Variants in MRPL45 observed in about 807,000 individuals in gnomAD.
MRPL45 encodes the protein mitochondrial ribosomal protein L45, also known as large ribosomal subunit protein mL45.
A neutral mutation model predicts 38.1 loss-of-function variants in MRPL45; 20 were observed. That is an observed-to-expected ratio of 0.53 (90% CI 0.37 to 0.76). The LOEUF (loss-of-function observed/expected upper bound fraction) is 0.76, where lower values mean the gene tolerates loss of function less well. MRPL45 is among the 30% of genes least tolerant of loss of function. MRPL45 has a pLI of 0.00. For synonymous variants in MRPL45, 105 were observed against 128.8 expected (o/e 0.82, Z 1.25); for missense variants, 337 against 395.6 (o/e 0.85, Z 1.26).
Position 38,322,965 on chromosome 17 carries a change from G to C in MRPL45, c.*370G>C, listed in dbSNP as rs551270455. The C allele has an allele frequency of 5.2e-6, 1 of 192,182 alleles. No homozygotes were observed. The highest frequency in any genetic ancestry group is 2.3e-5 in the African/African-American group (1 of 42,834). 11.9% of individuals were successfully genotyped at this position (192,182 alleles called of 1,614,324 possible). A position where few individuals can be genotyped will look rare whatever the true frequency, so the allele number is the denominator to read the frequency against. ...CAGAGTTTGAAATGAAATGTTGTCA[G>C]GGTGTTGGAAAAATTTTGGTGAGTT... On this transcript the variant is annotated 3_prime_UTR_variant, in exon 8 of 8. Coordinates refer to ENST00000613675, the MANE Select transcript of MRPL45 (RefSeq NM_032351.6).
intron 3 of MRPL45, among the ~76,000 whole-genome samples, chr17:38,302,611 G>A (rs1863613386): frequency 6.7e-6 from 1 of 148,422 alleles, no homozygotes; most frequent in Non-Finnish European, 1.5e-5. Context: ...GAGGTTAAAA[G>A]AGTATAAAGG....
In MRPL45 at chr17:38,320,892, C is replaced by G. The variant is rs2037223289; in HGVS notation, c.660+125C>G. The G allele has an allele frequency of 4.4e-6, 4 of 911,526 alleles. No individual in the cohort carries two copies. The Middle Eastern group carries it at 6.9e-4, about 157-fold the overall frequency. The allele number at this position is 911,526 out of a possible 1,614,324, so 56.5% of individuals were successfully genotyped here. On this transcript the variant is annotated intron_variant, in intron 6 of 7. Transcript: ENST00000613675. ...TAATAAAAGGTACACTGTGATCTGT[C>G]TTCCTTGCTGTGCCGCTGTCCCCTT... is the stretch of plus-strand genomic sequence containing the variant.
chr17:38,306,181 G>A (rs1334005675), intron 3 of MRPL45, among the ~76,000 whole-genome samples: 8 of 151,814 alleles, frequency 5.3e-5, no homozygotes, highest in South Asian at 2.1e-4. Flanking sequence ...AGGCCGAGGC[G>A]GGCGGATCCT....
At chr17:38,300,848 A>G (rs923162568) in intron 3 of MRPL45, among the ~76,000 whole-genome samples, 1 of 152,174 alleles carries the variant, frequency 6.6e-6, no homozygotes, top group African/African-American at 2.4e-5. Context: ...CAGGAGGCTG[A>G]GGCAGGAGAA....
At chr17:38,319,972 G>A (rs923643322) in intron 5 of MRPL45, among the ~76,000 whole-genome samples, 7 of 152,128 alleles carry the variant, frequency 4.6e-5, no homozygotes, top group African/African-American at 1.2e-4. Context: ...GCGTGGTGGC[G>A]GGCGCCAGTA....
At chr17:38,321,994 TGCACTCCA>T in intron 6 of MRPL45, 124 bp from the exon 7 acceptor site, 2 of 879,688 alleles carry the variant, frequency 2.3e-6, no homozygotes, top group South Asian at 3.4e-5. Context: ...ATCATGCCAC[TGCACTCCA>T]GCCAGGGCAA....
Position 38,299,417 on chromosome 17 carries a change from G to A in MRPL45, c.311G>A (p.Gly104Glu). 1 of 1,612,860 alleles carries A rather than the reference G, an allele frequency of 6.2e-7. No individual in the cohort carries two copies. The highest frequency in any genetic ancestry group is 8.5e-7 in the Non-Finnish European group (1 of 1,179,856). The change falls in exon 3 of 8, where the codon GGA becomes GAA. Residue 104 changes from glycine (G) to glutamate (E), a missense_variant. By Grantham distance (98) the Gly-to-Glu change is moderately conservative. Coordinates refer to ENST00000613675, the MANE Select transcript of MRPL45 (RefSeq NM_032351.6). ...DARISSLSKE[G>E]LIERTERMKK... ...CGCATATCATCTCTTTCAAAGGAGG[G>A]ACTGATAGAGAGAACTGAACGAATG...
chr17:38,305,207 G>A (rs1003629076), intron 3 of MRPL45, among the ~76,000 whole-genome samples: 5 of 129,318 alleles, frequency 3.9e-5, no homozygotes, highest in Non-Finnish European at 8.5e-5. Flanking sequence ...CATGGCTCAG[G>A]CCTGTAATCC....
chr17:38,302,116 C>CA (rs67699213), intron 3 of MRPL45, among the ~76,000 whole-genome samples: 57,123 of 75,472 alleles, frequency 0.76, 23,025 homozygotes, highest in East Asian at 0.97. Context: ...GACTCCGTCT[C>CA]AAAAAAAAAA....
At chr17:38,301,961 C>CA (rs1212884687) in intron 3 of MRPL45, among the ~76,000 whole-genome samples, 1 of 151,608 alleles carries the variant, frequency 6.6e-6, no homozygotes, top group East Asian at 1.9e-4. Flanking sequence ...ACTAAAAATA[C>CA]AAAAAATTAG....
intron 5 of MRPL45, among the ~76,000 whole-genome samples, chr17:38,319,438 G>T (rs1271225125): frequency 1.3e-5 from 2 of 152,074 alleles, no homozygotes; most frequent in Non-Finnish European, 1.5e-5. Context: ...CAAAGTGCTG[G>T]GATTACAGGC....
chr17:38,311,072 G>T (rs1294284637), intron 4 of MRPL45, among the ~76,000 whole-genome samples: 1 of 151,794 alleles, frequency 6.6e-6, no homozygotes, highest in African/African-American at 2.4e-5. Context: ...TAATTCAGTG[G>T]CATTAAGTAC....
intron 4 of MRPL45, among the ~76,000 whole-genome samples, chr17:38,318,226 AAAAGAT>A (rs1185960584): frequency 1.3e-5 from 2 of 151,208 alleles, no homozygotes; most frequent in Non-Finnish European, 2.9e-5. Flanking sequence ...AAAAAAAAAA[AAAAGAT>A]ATAAGGCCAA....
chr17:38,304,556 T>A (rs965427082), intron 3 of MRPL45, among the ~76,000 whole-genome samples: 6 of 152,210 alleles, frequency 3.9e-5, no homozygotes, highest in East Asian at 1.9e-4. Context: ...ATTTTATTTT[T>A]TTTTTGAGAC....
chr17:38,300,333 AAAG>A (rs2036981034), intron 3 of MRPL45, among the ~76,000 whole-genome samples: 1 of 151,840 alleles, frequency 6.6e-6, no homozygotes, highest in Non-Finnish European at 1.5e-5. Flanking sequence ...CTAATTTTTA[AAAG>A]AAATTTTTGT....
intron 4 of MRPL45, among the ~76,000 whole-genome samples, chr17:38,309,500 C>T (rs867347678): frequency 1.5e-4 from 21 of 143,350 alleles, no homozygotes; most frequent in Middle Eastern, 3.5e-3. Context: ...CAAGCCACGA[C>T]AACAGAGCAA....
At chr17:38,312,470 C>G (rs904107693) in intron 4 of MRPL45, among the ~76,000 whole-genome samples, 11 of 152,202 alleles carry the variant, frequency 7.2e-5, no homozygotes, top group African/African-American at 2.6e-4. Context: ...GCATAATGCT[C>G]CTGTGATTGT....
At chr17:38,318,997 TTTTATTTATTTATTTATTTATTTA>T (rs575783313) in intron 5 of MRPL45, among the ~76,000 whole-genome samples, 2 of 127,452 alleles carry the variant, frequency 1.6e-5, no homozygotes, top group African/African-American at 6.7e-5. Context: ...CCAGCTAATT[TTTTATTTATTTATTTATTTATTTA>T]TTTATTTATT....
At chr17:38,320,989 T>TC (rs957971189) in intron 6 of MRPL45, among the ~76,000 whole-genome samples, 2 of 132,900 alleles carry the variant, frequency 1.5e-5, no homozygotes, top group African/African-American at 5.1e-5. Flanking sequence ...TTTTTTTTTT[T>TC]CCCCCAAGAC....
Sources: allele counts gnomAD v4.1 joint callset (sites outside exome capture counted in the v4.1 genomes callset), GRCh38; gene constraint gnomAD v4.1.1; transcripts MANE v1.5; gene names NCBI Gene and HGNC (gene_info 2026-07-23, HGNC 2026-07-21).